TPH2: variants seen among roughly 807,000 people sequenced by gnomAD.
The protein encoded by TPH2 is tryptophan hydroxylase 2.
Under a neutral mutation model 59.1 loss-of-function variants are expected in TPH2, and 27 were observed. The ratio of observed to expected loss-of-function variants is 0.46; its 90% CI spans 0.34 to 0.63. The LOEUF is 0.63. Among genes scored for constraint, TPH2 ranks in the 30% least tolerant of loss-of-function variants. TPH2 has a pLI of 0.01. For synonymous variants in TPH2, 220 were observed against 210.5 expected, an observed-to-expected ratio of 1.05 and a Z score of -0.39; for missense variants, 523 against 588.3, an observed-to-expected ratio of 0.89 and a Z score of 1.15.
chr12:71,970,855 T>C (rs1371644605), intron 5 of TPH2, among the ~76,000 whole-genome samples: 3 of 152,224 alleles, frequency 2.0e-5, no homozygotes, highest in Non-Finnish European at 4.4e-5. Context: ...GAAGACCTAG[T>C]CTTGGTATTC....
At chr12:71,958,981 T>A (rs1435477218) in intron 5 of TPH2, among the ~76,000 whole-genome samples, 1 of 151,956 alleles carries the variant, frequency 6.6e-6, no homozygotes, top group Non-Finnish European at 1.5e-5. Context: ...CTCAGCTCTA[T>A]CAGAGAGACA....
At chr12:71,995,661 C>T (rs1192173711) in intron 8 of TPH2, among the ~76,000 whole-genome samples, 5 of 152,062 alleles carry the variant, frequency 3.3e-5, no homozygotes, top group Non-Finnish European at 5.9e-5. Context: ...GATGAATAGG[C>T]TCTGGTGGGG....
In TPH2 at chr12:72,031,752, T is replaced by C; in HGVS notation, c.*57T>C. On this transcript the variant is annotated 3_prime_UTR_variant, in exon 11 of 11. Coordinates refer to ENST00000333850, the MANE Select transcript of TPH2 (RefSeq NM_173353.4). ...TTTTTGGGGCTTAGCAGCAGTTCAG[T>C]CAATGTCATATAACGCAAATAACCT... The C allele has an allele frequency of 1.9e-6, 3 of 1,601,472 alleles. No individual in the cohort carries two copies. The highest frequency in any genetic ancestry group is 2.6e-6 in the Non-Finnish European group (3 of 1,169,356).
intron 8 of TPH2, among the ~76,000 whole-genome samples, chr12:72,008,802 G>A (rs1873022713): frequency 6.6e-6 from 1 of 152,110 alleles, no homozygotes; most frequent in Non-Finnish European, 1.5e-5. Context: ...TTGTGACCAA[G>A]TGAGACAGCA....
chr12:72,015,005 T>G (rs1018434398), intron 8 of TPH2, among the ~76,000 whole-genome samples: 3 of 152,202 alleles, frequency 2.0e-5, no homozygotes, highest in Non-Finnish European at 4.4e-5. Flanking sequence ...AGCCTCATTC[T>G]TATTTCAGTA....
intron 6 of TPH2, among the ~76,000 whole-genome samples, chr12:71,977,459 A>G (rs921074177): frequency 2.6e-5 from 4 of 152,166 alleles, no homozygotes; most frequent in African/African-American, 9.7e-5. Flanking sequence ...ACACACACAC[A>G]CACACACACA....
At chr12:72,006,104 G>C (rs1179628094) in intron 8 of TPH2, among the ~76,000 whole-genome samples, 3 of 152,292 alleles carry the variant, frequency 2.0e-5, no homozygotes, top group African/African-American at 7.2e-5. Context: ...GTGCAGCACA[G>C]GGACCTGCTA....
chr12:71,977,998 C>G (rs1872167565), intron 6 of TPH2, among the ~76,000 whole-genome samples: 1 of 152,042 alleles, frequency 6.6e-6, no homozygotes, highest in Non-Finnish European at 1.5e-5. Context: ...TTTAGAGACA[C>G]AAATACTTAC....
At chr12:71,996,806 A>T (rs933520499) in intron 8 of TPH2, among the ~76,000 whole-genome samples, 1 of 152,226 alleles carries the variant, frequency 6.6e-6, no homozygotes, top group African/African-American at 2.4e-5. Flanking sequence ...AAACAGTGAC[A>T]TGAATACCAT....
At position 71,938,886 on chromosome 12, in the gene TPH2, C is replaced by G; in HGVS notation, c.-101C>G. On this transcript the variant is annotated 5_prime_UTR_variant, in exon 1 of 11. Transcript: ENST00000333850. Reference sequence around the variant, plus strand: ...CCAGGGTTCTGGACAGCGCCCCAAGCAGGCAGCTGATCGCACGCCCCTTCC... The same window carrying G: ...CCAGGGTTCTGGACAGCGCCCCAAGGAGGCAGCTGATCGCACGCCCCTTCC... The G allele has an allele frequency of 1.0e-6, 1 of 985,196 alleles. No individual in the cohort carries two copies. Among genetic ancestry groups the G allele is most frequent in the Non-Finnish European group, 1.6e-6 (1 of 616,940 alleles). 61.0% of individuals were successfully genotyped at this position (985,196 alleles called of 1,614,324 possible). A position where few individuals can be genotyped will look rare whatever the true frequency, so the allele number is the denominator to read the frequency against.
chr12:71,988,479 A>G (rs1238815846), intron 7 of TPH2, among the ~76,000 whole-genome samples: 1 of 152,166 alleles, frequency 6.6e-6, no homozygotes, highest in Non-Finnish European at 1.5e-5. Context: ...AACACTTCAC[A>G]TGGCGAAGGG....
At chr12:71,975,764 G>A (rs1363714849) in intron 6 of TPH2, among the ~76,000 whole-genome samples, 2 of 152,138 alleles carry the variant, frequency 1.3e-5, no homozygotes, top group African/African-American at 4.8e-5. Context: ...ATTTGTTACT[G>A]AGGAAAAGAG....
chr12:71,969,759 A>G (rs549145894), intron 5 of TPH2, among the ~76,000 whole-genome samples: 10 of 152,282 alleles, frequency 6.6e-5, no homozygotes, highest in African/African-American at 2.4e-4. Context: ...CTGGAGTACA[A>G]TTTTTCATTT....
chr12:71,961,707 A>G, intron 5 of TPH2: 1 of 1,348,900 alleles, frequency 7.4e-7, no homozygotes, highest in Non-Finnish European at 9.8e-7. Flanking sequence ...ATTTCATGAT[A>G]GTTTTTGCAG....
chr12:71,977,745 C>T (rs1037637969), intron 6 of TPH2, among the ~76,000 whole-genome samples: 22 of 152,010 alleles, frequency 1.4e-4, no homozygotes, highest in East Asian at 1.9e-4. Flanking sequence ...AACCTATCGA[C>T]GATGTTGAGG....
intron 4 of TPH2, 92 bp from the exon 5 acceptor site, chr12:71,949,496 G>T: frequency 9.7e-7 from 1 of 1,033,714 alleles, no homozygotes; most frequent in South Asian, 1.3e-5. Flanking sequence ...CATATGAATT[G>T]AACACTCAGA....
chr12:72,015,232 C>G (rs1039433347), intron 8 of TPH2, among the ~76,000 whole-genome samples: 4 of 150,282 alleles, frequency 2.7e-5, no homozygotes, highest in Admixed American at 2.7e-4. Flanking sequence ...TTCTCAAAAA[C>G]TAGATGGAAA....
At chr12:71,946,384 G>A (rs1871198437) in intron 4 of TPH2, among the ~76,000 whole-genome samples, 1 of 152,068 alleles carries the variant, frequency 6.6e-6, no homozygotes, top group African/African-American at 2.4e-5. Flanking sequence ...CCATTTTAAT[G>A]GAACAACCAT....
rs569271973 is a variant in TPH2, at chr12:72,029,012, C to T, written c.1165-2246C>T. The stretch of plus-strand genomic sequence containing the variant: ...TTAAAATGACTAAATACGTATCTGG[C>T]TATCCAGTGGAATTGTCACAAAATG... On this transcript the variant is annotated intron_variant, in intron 9 of 10. Coordinates refer to ENST00000333850, the MANE Select transcript of TPH2 (RefSeq NM_173353.4). Among the ~76,000 whole-genome samples the T allele has an allele frequency of 7.2e-4, 110 of 152,316 alleles. 2 individuals carry two copies. The South Asian group carries it at 0.016, about 22-fold the overall frequency.
Sources: allele counts gnomAD v4.1 joint callset (sites outside exome capture counted in the v4.1 genomes callset), GRCh38; gene constraint gnomAD v4.1.1; transcripts MANE v1.5; gene names NCBI Gene and HGNC (gene_info 2026-07-23, HGNC 2026-07-21).